PCDH11X: variants seen among roughly 807,000 people sequenced by gnomAD.
PCDH11X encodes the protein protocadherin 11 X-linked.
PCDH11X carries 18 observed loss-of-function variants against 53.3 expected under a neutral mutation model. That is an observed-to-expected ratio of 0.34 (90% CI 0.23 to 0.50). PCDH11X has a LOEUF of 0.50. Ranked by LOEUF, PCDH11X falls within the 20% of genes least tolerant of loss-of-function variation. The pLI is 0.98. For synonymous variants in PCDH11X, 279 were observed against 393.3 expected (o/e 0.71, Z 3.44); for missense variants, 570 against 1,032.4 (o/e 0.55, Z 6.14).
intron 6 of PCDH11X, among the ~76,000 whole-genome samples, chrX:92,175,638 T>C (rs1326301182): frequency 9.2e-6 from 1 of 108,870 alleles, no homozygotes; most frequent in Non-Finnish European, 1.9e-5. Context: ...TCTATACATA[T>C]AAATGCATAT....
At chrX:91,970,263 G>A (rs1007227239) in intron 6 of PCDH11X, among the ~76,000 whole-genome samples, 6 of 111,344 alleles carry the variant, frequency 5.4e-5, no homozygotes, top group Admixed American at 1.9e-4. Context: ...GGACCTGAGC[G>A]GGTTGCCACT....
chrX:91,846,134 G>A (rs1937639124), intron 5 of PCDH11X, among the ~76,000 whole-genome samples: 2 of 111,015 alleles, frequency 1.8e-5, no homozygotes, highest in Admixed American at 1.9e-4. Context: ...AATAGTGACT[G>A]GCCTTATTTT....
chrX:92,188,103 G>T (rs1184088545), intron 6 of PCDH11X, among the ~76,000 whole-genome samples: 1 of 111,430 alleles, frequency 9.0e-6, no homozygotes, highest in East Asian at 2.8e-4. Flanking sequence ...AACCTATGTG[G>T]CAGAGGTCAA....
intron 6 of PCDH11X, among the ~76,000 whole-genome samples, chrX:92,039,533 A>C (rs2063178734): frequency 9.1e-6 from 1 of 109,878 alleles, no homozygotes; most frequent in Admixed American, 9.7e-5. Flanking sequence ...GGCCACTGCT[A>C]ATGTTCACTT....
chrX:91,835,250 A>G (rs1409136564), intron 4 of PCDH11X: 600 of 943,098 alleles, frequency 6.4e-4, no homozygotes, highest in Non-Finnish European at 8.2e-4. Flanking sequence ...TTGATACTGT[A>G]GGTATCTTAT....
chrX:91,824,783 G>GT (rs1183943922), intron 4 of PCDH11X, among the ~76,000 whole-genome samples: 1 of 108,889 alleles, frequency 9.2e-6, no homozygotes. Context: ...TTTCTGTTCT[G>GT]TTTTTTCCCC....
chrX:92,228,256 T>C (rs1238561199), intron 7 of PCDH11X, among the ~76,000 whole-genome samples: 1 of 111,877 alleles, frequency 8.9e-6, no homozygotes, highest in East Asian at 2.8e-4. Context: ...AATGACTTAG[T>C]GATCTGAAAG....
At position 92,173,237 on chromosome X, in the gene PCDH11X, C is replaced by T. The variant is rs1230516222; in HGVS notation, c.3034-28138C>T. On this transcript the variant is annotated intron_variant, in intron 6 of 10. Transcript: ENST00000682573. ...TGTCCTAAGAGTCTAGGACTTAATGCTGGTAAACTTGTCCTTGAAAACTTG... is the reference window on the plus strand; with the variant it reads ...TGTCCTAAGAGTCTAGGACTTAATGTTGGTAAACTTGTCCTTGAAAACTTG... Among the ~76,000 whole-genome samples the T allele has an allele frequency of 1.8e-4, 20 of 111,712 alleles. No individual in the cohort carries two copies. The Admixed American group carries it at 1.9e-3, about 11-fold the overall frequency.
At chrX:92,196,817 A>G (rs190503495) in intron 6 of PCDH11X, among the ~76,000 whole-genome samples, 23 of 110,542 alleles carry the variant, frequency 2.1e-4, no homozygotes, top group African/African-American at 7.6e-4. Flanking sequence ...TAGAAAAGAG[A>G]CAAGGGGAGA....
chrX:91,864,028 A>T (rs1044368681), intron 5 of PCDH11X, among the ~76,000 whole-genome samples: 19 of 111,667 alleles, frequency 1.7e-4, no homozygotes, highest in African/African-American at 5.9e-4. Context: ...TAGTTTACAC[A>T]TTACAGTTAC....
intron 8 of PCDH11X, among the ~76,000 whole-genome samples, chrX:92,303,427 G>A (rs1403333375): frequency 9.0e-6 from 1 of 110,995 alleles, no homozygotes; most frequent in Non-Finnish European, 1.9e-5. Flanking sequence ...AAATTCAGTG[G>A]GTTTTTATAT....
At chrX:91,983,499 C>T (rs1030022337) in intron 6 of PCDH11X, 5 of 525,258 alleles carry the variant, frequency 9.5e-6, no homozygotes, top group South Asian at 5.0e-5. Flanking sequence ...ATGGGTGGCA[C>T]AGCCATCTTA....
intron 9 of PCDH11X, among the ~76,000 whole-genome samples, chrX:92,403,648 A>G (rs1223861006): frequency 9.1e-6 from 1 of 109,351 alleles, no homozygotes; most frequent in East Asian, 2.8e-4. Flanking sequence ...GCTTTTAATC[A>G]AGGTTATGGG....
intron 10 of PCDH11X, among the ~76,000 whole-genome samples, chrX:92,472,321 G>A (rs767210344): frequency 8.5e-5 from 9 of 106,473 alleles, no homozygotes; most frequent in African/African-American, 3.1e-4. Flanking sequence ...TTCTGCATAT[G>A]CCAGTTATGT....
In PCDH11X at chrX:91,952,333, T is replaced by C. The variant is rs544664617; in HGVS notation, c.3033+73060T>C. Among the ~76,000 whole-genome samples the C allele has an allele frequency of 1.2e-3, 134 of 110,128 alleles. 3 individuals carry two copies. In the South Asian group the frequency reaches 0.051, roughly 42 times the overall value. ...TTGGGATGTAATGTTTGAGGTAAGTTGAACAAAAGAAATTTTATGATTTTT... is the reference window on the plus strand; with the variant it reads ...TTGGGATGTAATGTTTGAGGTAAGTCGAACAAAAGAAATTTTATGATTTTT... On this transcript the variant is annotated intron_variant, in intron 6 of 10. Coordinates refer to ENST00000682573, the MANE Select transcript of PCDH11X (RefSeq NM_032968.5).
intron 7 of PCDH11X, among the ~76,000 whole-genome samples, chrX:92,208,472 A>G (rs1168220712): frequency 1.3e-5 from 1 of 77,023 alleles, no homozygotes; most frequent in Non-Finnish European, 2.4e-5. Context: ...TCTCACTAAG[A>G]ATGTAAAGAA....
At chrX:92,078,595 C>T (rs1015020134) in intron 6 of PCDH11X, among the ~76,000 whole-genome samples, 2 of 110,800 alleles carry the variant, frequency 1.8e-5, no homozygotes, top group African/African-American at 6.6e-5. Context: ...ACCACTCTCT[C>T]GATTAACAGT....
chrX:91,907,069 C>A (rs1941183791), intron 6 of PCDH11X, among the ~76,000 whole-genome samples: 1 of 110,038 alleles, frequency 9.1e-6, no homozygotes, highest in Non-Finnish European at 1.9e-5. Context: ...TAACTGCCAA[C>A]TTCATGCCAT....
chrX:91,817,645 G>T (rs923407620), intron 4 of PCDH11X, among the ~76,000 whole-genome samples: 1 of 111,247 alleles, frequency 9.0e-6, no homozygotes, highest in Admixed American at 9.6e-5. Flanking sequence ...GTACAACTAA[G>T]GGATTGAATT....
Sources: gnomAD v4.1 joint callset for allele counts (sites outside exome capture counted in the v4.1 genomes callset) on GRCh38, gnomAD v4.1.1 for gene constraint, MANE v1.5 for transcripts, NCBI Gene and HGNC (gene_info 2026-07-23, HGNC 2026-07-21) for gene names.